DISC1: variants seen among roughly 807,000 people sequenced by gnomAD.
DISC1 encodes the protein DISC1 scaffold protein.
A neutral mutation model predicts 84.5 loss-of-function variants in DISC1; 57 were observed. That is an observed-to-expected ratio of 0.67 (90% CI 0.55 to 0.84). The LOEUF is 0.84. DISC1 is among the 40% of genes least tolerant of loss of function. The pLI, the probability that DISC1 is intolerant of heterozygous loss-of-function variation, is 0.00. For missense variants in DISC1, 1,000 were observed against 1,057.8 expected (o/e 0.95, Z 0.76); for synonymous variants, 411 against 415.2 (o/e 0.99, Z 0.12).
Position 232,039,183 on chromosome 1 carries a change from C to A in DISC1, c.*2352C>A, listed in dbSNP as rs1670679985. On this transcript the variant is annotated 3_prime_UTR_variant, in exon 13 of 13. Coordinates refer to ENST00000439617, the MANE Select transcript of DISC1 (RefSeq NM_018662.3). ...GAACTGGTCACATGGCACTTGGAAT[C>A]CTTGAGTTAATTCCAGTGAAGCAAA... 6.6e-6 allele frequency: 1 copy of A among 152,178 alleles called. No homozygotes were observed. Among genetic ancestry groups the A allele is most frequent in the Non-Finnish European group, 1.5e-5 (1 of 68,030 alleles). The allele number at this position is 152,178 out of a possible 1,614,324, so 9.4% of individuals were successfully genotyped here. A position where few individuals can be genotyped will look rare whatever the true frequency, so the allele number is the denominator to read the frequency against.
chr1:231,870,533 T>C (rs929955036), intron 9 of DISC1, among the ~76,000 whole-genome samples: 2 of 152,156 alleles, frequency 1.3e-5, no homozygotes, highest in African/African-American at 2.4e-5. Context: ...CCTGAGCTCG[T>C]TGTGGGAAGG....
At chr1:231,945,661 A>G (rs1235847301) in intron 9 of DISC1, among the ~76,000 whole-genome samples, 4 of 152,196 alleles carry the variant, frequency 2.6e-5, no homozygotes, top group African/African-American at 9.7e-5. Context: ...TCAAAAAATC[A>G]ATGAATCCAG....
intron 9 of DISC1, among the ~76,000 whole-genome samples, chr1:231,877,631 T>C (rs2085984370): frequency 6.6e-6 from 1 of 152,210 alleles, no homozygotes; most frequent in Admixed American, 6.5e-5. Context: ...TTCCCATTGG[T>C]GTTCAGTGGA....
chr1:231,627,955 GACA>G (rs1265224312), intron 1 of DISC1, among the ~76,000 whole-genome samples: 2 of 152,212 alleles, frequency 1.3e-5, no homozygotes, highest in African/African-American at 4.8e-5. Flanking sequence ...AGGAGACTAT[GACA>G]GTACCTGCTT....
At chr1:231,863,434 T>G in intron 9 of DISC1, among the ~76,000 whole-genome samples, 1 of 152,104 alleles carries the variant, frequency 6.6e-6, no homozygotes, top group East Asian at 1.9e-4. Context: ...TTTCACCATG[T>G]TGGCCAGGCT....
chr1:231,728,492 G>A (rs949609269), intron 3 of DISC1, among the ~76,000 whole-genome samples: 1 of 152,188 alleles, frequency 6.6e-6, no homozygotes, highest in Admixed American at 6.5e-5. Context: ...TTAATACCTA[G>A]TAAGAGTCAT....
intron 9 of DISC1, among the ~76,000 whole-genome samples, chr1:231,873,401 C>G (rs770875983): frequency 1.3e-5 from 2 of 152,234 alleles, no homozygotes; most frequent in Non-Finnish European, 2.9e-5. Context: ...ACTTGTGTTT[C>G]AGCCCCTTTC....
At chr1:231,764,951 G>A (rs1285259241) in intron 4 of DISC1, among the ~76,000 whole-genome samples, 3 of 152,060 alleles carry the variant, frequency 2.0e-5, no homozygotes, top group Admixed American at 2.0e-4. Flanking sequence ...CAGTACTTTG[G>A]GAGGCCGAGG....
chr1:231,951,514 C>G (rs1658362370), intron 9 of DISC1, among the ~76,000 whole-genome samples: 1 of 152,196 alleles, frequency 6.6e-6, no homozygotes, highest in African/African-American at 2.4e-5. Flanking sequence ...CATGGAAAAT[C>G]CTTTAAGATC....
At chr1:231,706,104 C>T (rs1287567012) in intron 3 of DISC1, among the ~76,000 whole-genome samples, 1 of 152,188 alleles carries the variant, frequency 6.6e-6, no homozygotes, top group Non-Finnish European at 1.5e-5. Flanking sequence ...AATTACATCT[C>T]TCCATCACTA....
chr1:231,767,586 T>C (rs2793100), intron 5 of DISC1, among the ~76,000 whole-genome samples: 147,593 of 152,320 alleles, frequency 0.97, 71,650 homozygotes, highest in East Asian at 1. Context: ...CGTGAGCCAC[T>C]GTGCCAAGCT....
At chr1:231,948,861 A>ATTT (rs58931988) in intron 9 of DISC1, among the ~76,000 whole-genome samples, 65 of 94,450 alleles carry the variant, frequency 6.9e-4, no homozygotes, top group Non-Finnish European at 9.0e-4. Flanking sequence ...TCCTGTGTTA[A>ATTT]TTTTTTTTTT....
At chr1:231,639,322 AT>A (rs2059440719) in intron 1 of DISC1, among the ~76,000 whole-genome samples, 1 of 152,192 alleles carries the variant, frequency 6.6e-6, no homozygotes, top group African/African-American at 2.4e-5. Context: ...CATGATTTTA[AT>A]TTGGAGTGGA....
chr1:231,858,764 C>T (rs556036988), intron 9 of DISC1, among the ~76,000 whole-genome samples: 1 of 152,302 alleles, frequency 6.6e-6, no homozygotes, highest in South Asian at 2.1e-4. Context: ...TCCATACCTT[C>T]CTGCTTCTGG....
chr1:231,833,271 G>A (rs185267314), intron 9 of DISC1, among the ~76,000 whole-genome samples: 7 of 151,446 alleles, frequency 4.6e-5, no homozygotes, highest in African/African-American at 1.2e-4. Context: ...AGTTTTAAGA[G>A]GTTTAGAAGC....
At chr1:231,980,705 TAG>T (rs755535253) in intron 10 of DISC1, among the ~76,000 whole-genome samples, 140 of 152,322 alleles carry the variant, frequency 9.2e-4, no homozygotes, top group Middle Eastern at 3.4e-3. Context: ...TGTTATATGA[TAG>T]TTTAAAACAC....
chr1:231,649,320 T>C (rs533491296), intron 1 of DISC1, among the ~76,000 whole-genome samples: 1 of 152,344 alleles, frequency 6.6e-6, no homozygotes, highest in Non-Finnish European at 1.5e-5. Context: ...ATTTACCCAG[T>C]AGTCATTCAG....
At chr1:231,912,781 CTTTCTTTCTT>C (rs2089328432) in intron 9 of DISC1, among the ~76,000 whole-genome samples, 1 of 145,544 alleles carries the variant, frequency 6.9e-6, no homozygotes, top group Non-Finnish European at 1.5e-5. Flanking sequence ...TTCTTTCTTT[CTTTCTTTCTT>C]TCTTTCTTTC....
intron 10 of DISC1, chr1:231,959,285 T>C (rs905072778): frequency 1.0e-6 from 1 of 986,880 alleles, no homozygotes; most frequent in African/African-American, 1.7e-5. Context: ...GAAATGCACG[T>C]CTTAGGTTCT....
Sources: allele counts gnomAD v4.1 joint callset (sites outside exome capture counted in the v4.1 genomes callset), GRCh38; gene constraint gnomAD v4.1.1; transcripts MANE v1.5; gene names NCBI Gene and HGNC (gene_info 2026-07-23, HGNC 2026-07-21).